Variants in ANKRD62 observed in about 807,000 individuals in gnomAD.
ANKRD62 encodes ankyrin repeat domain-containing protein 62.
ANKRD62 carries 61 observed loss-of-function variants against 98.8 expected under a neutral mutation model. The observed-to-expected ratio is 0.62, with a 90% CI of 0.50 to 0.76. The LOEUF is 0.76. Among genes scored for constraint, ANKRD62 ranks in the 30% least tolerant of loss-of-function variants. The pLI is 0.00. For missense variants in ANKRD62, 933 were observed against 1,082.9 expected, an observed-to-expected ratio of 0.86 and a Z score of 1.94; for synonymous variants, 341 against 367.9, an observed-to-expected ratio of 0.93 and a Z score of 0.84.
At chr18:12,133,501 C>G (rs1459787421), downstream of ANKRD62, among the ~76,000 whole-genome samples, 5 of 152,150 alleles carry the variant, frequency 3.3e-5, no homozygotes, top group African/African-American at 1.2e-4. Flanking sequence ...ACATTTCCAC[C>G]AGCAGTGTAT....
the ANKRD62 span, among the ~76,000 whole-genome samples, chr18:12,171,997 G>A: frequency 0.016 from 2,414 of 152,042 alleles, 30 homozygotes; most frequent in Non-Finnish European, 0.02. Flanking sequence ...GGTCATTTAC[G>A]GTCTTCTCTG....
chr18:12,171,528 C>A, the ANKRD62 span, among the ~76,000 whole-genome samples: 1 of 152,310 alleles, frequency 6.6e-6, no homozygotes, highest in South Asian at 2.1e-4. Context: ...GATGGGCTTC[C>A]CTTTGTGGGT....
At position 12,115,409 on chromosome 18, in the gene ANKRD62, AT is replaced by A; in HGVS notation, c.1118del (p.Phe373SerfsTer8). 1 of 1,534,526 alleles carries A rather than the reference AT, an allele frequency of 6.5e-7. No individual in the cohort carries two copies. Among genetic ancestry groups the A allele is most frequent in the South Asian group, 1.2e-5 (1 of 83,332 alleles). On this transcript the variant is annotated frameshift_variant, in exon 10 of 14. Transcript: ENST00000587848. LOFTEE classifies it high-confidence loss of function. ...NEKSKVKSQIYFTDDLNDISG... is the reference protein window; with the variant it reads ...NEKSKVKSQIXFTDDLNDISG... ...ATTTTATAGGTTAAAAGCCAAATAT[AT>A]TTCACGGATGACCTTAATGACATAA...
the ANKRD62 span, among the ~76,000 whole-genome samples, chr18:12,175,900 C>T: frequency 4.0e-5 from 6 of 151,788 alleles, 1 homozygote; most frequent in African/African-American, 1.2e-4. Context: ...AAAAATTAAA[C>T]AGGATTTTAG....
the ANKRD62 span, among the ~76,000 whole-genome samples, chr18:12,170,807 G>A: frequency 2.4e-4 from 37 of 152,026 alleles, no homozygotes; most frequent in Non-Finnish European, 4.7e-4. Context: ...TATGAATCTG[G>A]GTGCTCTTGT....
chr18:12,170,739 C>T, the ANKRD62 span, among the ~76,000 whole-genome samples: 3 of 152,160 alleles, frequency 2.0e-5, no homozygotes, highest in Non-Finnish European at 2.9e-5. Flanking sequence ...GTGTTAAAGT[C>T]TCCCATTATT....
At chr18:12,108,573 C>G (rs1478129969) in intron 8 of ANKRD62, among the ~76,000 whole-genome samples, 1 of 152,032 alleles carries the variant, frequency 6.6e-6, no homozygotes. Context: ...CCACCCTGGC[C>G]CCTTTCAAAT....
chr18:12,102,757 A>G (rs1909332056), intron 6 of ANKRD62: 52 of 1,003,404 alleles, frequency 5.2e-5, no homozygotes, highest in Non-Finnish European at 6.1e-5. Flanking sequence ...GTTACTCATA[A>G]TAAGAAGCAG....
chr18:12,181,642 G>A, the ANKRD62 span, among the ~76,000 whole-genome samples: 2 of 152,196 alleles, frequency 1.3e-5, no homozygotes, highest in Non-Finnish European at 1.5e-5. Context: ...TTCTCTGGGG[G>A]AGAAGCCAAG....
intron 10 of ANKRD62, 77 bp downstream of exon 10, chr18:12,115,611 A>G (rs1909647380): frequency 7.8e-7 from 1 of 1,286,016 alleles, no homozygotes; most frequent in East Asian, 2.5e-5. Flanking sequence ...GCACGGCACC[A>G]TAGAACACTG....
At chr18:12,115,219 T>C in intron 9 of ANKRD62, 98 bp downstream of exon 9, 1 of 1,301,446 alleles carries the variant, frequency 7.7e-7, no homozygotes, top group Non-Finnish European at 1.0e-6. Flanking sequence ...ACATTGACTT[T>C]GATAAAGCAG....
At chr18:12,169,708 G>A in the ANKRD62 span, among the ~76,000 whole-genome samples, 3 of 152,140 alleles carry the variant, frequency 2.0e-5, no homozygotes, top group African/African-American at 4.8e-5. Context: ...AGAAGGAAGG[G>A]TACCAGATCC....
chr18:12,108,239 C>G (rs1347349113), intron 8 of ANKRD62, among the ~76,000 whole-genome samples: 1 of 152,188 alleles, frequency 6.6e-6, no homozygotes, highest in Non-Finnish European at 1.5e-5. Flanking sequence ...CACTACCTGA[C>G]ACTGGGTAAT....
In ANKRD62 at chr18:12,097,709, T is replaced by C. The variant is rs569008058; in HGVS notation, c.684T>C (p.Ile228=). The C allele has an allele frequency of 2.8e-4, 431 of 1,536,100 alleles. No homozygotes were observed. The highest frequency in any genetic ancestry group is 3.5e-4 in the Non-Finnish European group (406 of 1,146,822). ...SVVYQLLQHN[I]DVFCQDISGW... ...TCTACCAGCTTCTTCAGCACAATAT[T>C]GATGTCTTTTGCCAAGATATATCTG... The change falls in exon 5 of 14, where the codon ATT becomes ATC. Residue 228 remains isoleucine, a synonymous_variant. Coordinates refer to ENST00000587848, the MANE Select transcript of ANKRD62 (RefSeq NM_001277333.2).
At chr18:12,103,029 A>T in intron 6 of ANKRD62, 129 bp from the exon 7 acceptor site, 1 of 702,462 alleles carries the variant, frequency 1.4e-6, no homozygotes, top group Non-Finnish European at 2.0e-6. Context: ...ATCGCTAAAG[A>T]TTAAGCTTCA....
At chr18:12,154,691 C>T in the ANKRD62 span, among the ~76,000 whole-genome samples, 1 of 152,160 alleles carries the variant, frequency 6.6e-6, no homozygotes, top group Non-Finnish European at 1.5e-5. Flanking sequence ...CATCACTATT[C>T]GCAATAGCAA....
In ANKRD62 at chr18:12,129,278, C is replaced by T. The variant is rs544762307; in HGVS notation, c.*1339C>T. 1 of 151,996 alleles carries T rather than the reference C, an allele frequency of 6.6e-6. No individual in the cohort carries two copies. Among genetic ancestry groups the T allele is most frequent in the Non-Finnish European group, 1.5e-5 (1 of 68,016 alleles). 9.4% of individuals were successfully genotyped at this position (151,996 alleles called of 1,614,324 possible). A position where few individuals can be genotyped will look rare whatever the true frequency, so the allele number is the denominator to read the frequency against. On this transcript the variant is annotated 3_prime_UTR_variant, in exon 14 of 14. Coordinates refer to ENST00000587848, the MANE Select transcript of ANKRD62 (RefSeq NM_001277333.2). The stretch of plus-strand genomic sequence containing the variant: ...AAAAGAAAAATACTGTGTTTTAATC[C>T]TAGAGCATAGGCAGTAAACTTTTCT...
At chr18:12,160,039 T>C in the ANKRD62 span, among the ~76,000 whole-genome samples, 6 of 152,310 alleles carry the variant, frequency 3.9e-5, no homozygotes, top group African/African-American at 1.4e-4. Context: ...GTTTCAAATA[T>C]TCTGTTTTCT....
At chr18:12,167,092 A>G in the ANKRD62 span, among the ~76,000 whole-genome samples, 1 of 151,790 alleles carries the variant, frequency 6.6e-6, no homozygotes, top group African/African-American at 2.4e-5. Context: ...CACGGTGTAC[A>G]TGTGCCACAT....
Sources: gnomAD v4.1 joint callset for allele counts (sites outside exome capture counted in the v4.1 genomes callset) on GRCh38, gnomAD v4.1.1 for gene constraint, MANE v1.5 for transcripts, NCBI Gene and HGNC (gene_info 2026-07-23, HGNC 2026-07-21) for gene names.